Variants in UBE2E2 observed in about 807,000 individuals in gnomAD.
UBE2E2 encodes the protein ubiquitin conjugating enzyme E2 E2.
Under a neutral mutation model 24.7 loss-of-function variants are expected in UBE2E2, and 6 were observed. The ratio of observed to expected loss-of-function variants is 0.24; its 90% CI spans 0.13 to 0.48. The LOEUF (loss-of-function observed/expected upper bound fraction) is 0.48. Among genes scored for constraint, UBE2E2 ranks in the 20% least tolerant of loss-of-function variants. UBE2E2 has a pLI of 0.99. For missense variants in UBE2E2, 169 were observed against 245.0 expected, an observed-to-expected ratio of 0.69 and a Z score of 2.07; for synonymous variants, 104 against 83.6, an observed-to-expected ratio of 1.24 and a Z score of -1.33.
At chr3:23,368,898 AACC>A (rs1170038691) in intron 3 of UBE2E2, among the ~76,000 whole-genome samples, 1 of 152,200 alleles carries the variant, frequency 6.6e-6, no homozygotes, top group Non-Finnish European at 1.5e-5. Flanking sequence ...TCTTAATGGA[AACC>A]AGTGATTGCC....
At chr3:23,266,846 C>A (rs1283445067) in intron 3 of UBE2E2, among the ~76,000 whole-genome samples, 4 of 152,200 alleles carry the variant, frequency 2.6e-5, no homozygotes, top group Non-Finnish European at 5.9e-5. Flanking sequence ...GAAATTATAA[C>A]AAACTGTCTC....
At chr3:23,399,022 A>G (rs1305785637) in intron 3 of UBE2E2, among the ~76,000 whole-genome samples, 2 of 152,144 alleles carry the variant, frequency 1.3e-5, no homozygotes, top group Non-Finnish European at 2.9e-5. Flanking sequence ...GATAGTACCA[A>G]ACTTCATTGC....
At chr3:23,501,985 T>A (rs1699731117) in intron 4 of UBE2E2, among the ~76,000 whole-genome samples, 1 of 152,202 alleles carries the variant, frequency 6.6e-6, no homozygotes, top group Admixed American at 6.5e-5. Context: ...TGGAAAGTAT[T>A]TAAAAGCAAA....
intron 3 of UBE2E2, among the ~76,000 whole-genome samples, chr3:23,428,928 T>TAA (rs34525850): frequency 0.12 from 9,277 of 75,682 alleles, 605 homozygotes; most frequent in African/African-American, 0.2. Flanking sequence ...CTCTGTCTCT[T>TAA]AAAAAAAAAA....
At chr3:23,312,243 TTATA>T (rs980898592) in intron 3 of UBE2E2, among the ~76,000 whole-genome samples, 2 of 152,184 alleles carry the variant, frequency 1.3e-5, no homozygotes, top group Non-Finnish European at 2.9e-5. Context: ...CCTCTTTTCT[TTATA>T]AATTACCCAG....
At chr3:23,218,110 C>G (rs149994494) in intron 3 of UBE2E2, among the ~76,000 whole-genome samples, 2 of 151,764 alleles carry the variant, frequency 1.3e-5, no homozygotes, top group African/African-American at 4.8e-5. Context: ...GTGAGAGGGC[C>G]GATTAAATAA....
intron 4 of UBE2E2, among the ~76,000 whole-genome samples, chr3:23,513,796 A>G (rs1177614010): frequency 1.7e-4 from 26 of 152,228 alleles, no homozygotes; most frequent in Admixed American, 1.7e-3. Context: ...ATTATAAGTA[A>G]AATAATACCT....
At chr3:23,578,241 A>T (rs1349788639) in intron 5 of UBE2E2, among the ~76,000 whole-genome samples, 1 of 152,242 alleles carries the variant, frequency 6.6e-6, no homozygotes, top group East Asian at 1.9e-4. Context: ...ATATCATCTC[A>T]TGCCAGTCAG....
At chr3:23,359,491 T>TA (rs2125329780) in intron 3 of UBE2E2, among the ~76,000 whole-genome samples, 1 of 152,336 alleles carries the variant, frequency 6.6e-6, no homozygotes, top group African/African-American at 2.4e-5. Context: ...AAGTTGCTTG[T>TA]AAATAACTTT....
At chr3:23,446,516 A>G (rs1319007491) in intron 3 of UBE2E2, among the ~76,000 whole-genome samples, 3 of 152,114 alleles carry the variant, frequency 2.0e-5, no homozygotes, top group Non-Finnish European at 2.9e-5. Context: ...GGGGAAGGAT[A>G]TTATGGTCTC....
chr3:23,318,253 C>T (rs917119431), intron 3 of UBE2E2, among the ~76,000 whole-genome samples: 5 of 152,164 alleles, frequency 3.3e-5, no homozygotes, highest in African/African-American at 9.7e-5. Context: ...CAGCCTCAGC[C>T]TCCCAGGCTC....
At chr3:23,491,998 A>T (rs1377404014) in intron 3 of UBE2E2, among the ~76,000 whole-genome samples, 3 of 152,218 alleles carry the variant, frequency 2.0e-5, no homozygotes, top group Admixed American at 1.3e-4. Context: ...TGACCAGATT[A>T]GAGATGCTAA....
At chr3:23,204,673 T>G (rs1039958641) in intron 1 of UBE2E2, 13 of 984,574 alleles carry the variant, frequency 1.3e-5, no homozygotes, top group Middle Eastern at 5.2e-4. Flanking sequence ...TACCCCATTC[T>G]CTTTCCCCTG....
intron 3 of UBE2E2, among the ~76,000 whole-genome samples, chr3:23,485,091 CTTTTTTTT>C (rs71620781): frequency 9.3e-6 from 1 of 107,690 alleles, no homozygotes; most frequent in Non-Finnish European, 1.8e-5. Flanking sequence ...TTAACACTAC[CTTTTTTTT>C]TTTTTTTTTT....
rs1037146725 is a variant in UBE2E2, at chr3:23,464,710, T to C, written c.228-34898T>C. Among the ~76,000 whole-genome samples, 18 of 152,192 alleles carry C rather than the reference T, an allele frequency of 1.2e-4. 1 individual carries two copies. Among genetic ancestry groups the C allele is most frequent in the Non-Finnish European group, 2.1e-4 (14 of 68,018 alleles). On this transcript the variant is annotated intron_variant, in intron 3 of 5. Coordinates refer to ENST00000396703, the MANE Select transcript of UBE2E2 (RefSeq NM_152653.4). Reference sequence around the variant, plus strand: ...AGTTGGTGTAGTGAGAAAATACTTCTCTAGTTACTGTAATTATGGGATAAT... The same window carrying C: ...AGTTGGTGTAGTGAGAAAATACTTCCCTAGTTACTGTAATTATGGGATAAT...
intron 3 of UBE2E2, among the ~76,000 whole-genome samples, chr3:23,285,953 T>TC (rs1364431628): frequency 6.6e-6 from 1 of 152,200 alleles, no homozygotes; most frequent in Admixed American, 6.5e-5. Flanking sequence ...CACCTCGGCC[T>TC]CCCAAAGTGC....
chr3:23,350,550 T>A (rs1575578556), intron 3 of UBE2E2, among the ~76,000 whole-genome samples: 2 of 152,190 alleles, frequency 1.3e-5, no homozygotes, highest in Admixed American at 6.5e-5. Context: ...AAGGAGCTGA[T>A]GGAGCTGAAA....
chr3:23,441,368 C>CAAAA (rs752204801), intron 3 of UBE2E2, among the ~76,000 whole-genome samples: 28 of 103,242 alleles, frequency 2.7e-4, no homozygotes, highest in African/African-American at 9.3e-4. Flanking sequence ...ACTAAAAATC[C>CAAAA]AAAAAAAAAA....
chr3:23,361,875 A>G (rs1003807069), intron 3 of UBE2E2, among the ~76,000 whole-genome samples: 4 of 152,214 alleles, frequency 2.6e-5, no homozygotes, highest in African/African-American at 4.8e-5. Flanking sequence ...CCATAGAACC[A>G]TTTTTTAGAA....
Sources: allele counts gnomAD v4.1 joint callset (sites outside exome capture counted in the v4.1 genomes callset), GRCh38; gene constraint gnomAD v4.1.1; transcripts MANE v1.5; gene names NCBI Gene and HGNC (gene_info 2026-07-23, HGNC 2026-07-21).